Variants in IFFO1 observed in about 807,000 individuals in gnomAD.
IFFO1 encodes the protein non-homologous end joining factor IFFO1.
Under a neutral mutation model 59.6 loss-of-function variants are expected in IFFO1, and 42 were observed. That is an observed-to-expected ratio of 0.70 (90% CI 0.55 to 0.91). IFFO1 has a LOEUF of 0.91. Ranked by LOEUF, IFFO1 falls within the 40% of genes least tolerant of loss-of-function variation. The pLI is 0.00. For missense variants in IFFO1, 711 were observed against 793.2 expected, an observed-to-expected ratio of 0.90 and a Z score of 1.24; for synonymous variants, 336 against 342.8, an observed-to-expected ratio of 0.98 and a Z score of 0.22.
In IFFO1 at chr12:6,555,753, C is replaced by T. The variant is rs1592230021; in HGVS notation, c.277G>A (p.Glu93Lys). 1.2e-6 allele frequency: 2 copies of T among 1,613,234 alleles called. No homozygotes were observed. The highest frequency in any genetic ancestry group is 1.3e-5 in the African/African-American group (1 of 74,948). The change falls in exon 1 of 10, where the codon GAG (glutamate) becomes AAG (lysine). Residue 93 changes from glutamate (E) to lysine (K), a missense_variant. This residue lies in a region of IFFO1 where 18 missense variants were observed against 40.5 expected (regional missense o/e 0.44). Coordinates refer to ENST00000619571, the MANE Select transcript of IFFO1 (RefSeq NM_001193457.2). This position sits in a 1 kb window ranked among gnomAD's most constrained non-coding sequence, Gnocchi z 8.6. The part of the protein sequence containing the change: ...RFRCFLAKVH[E>K]LERRNRLLEK... Reference sequence around the variant, plus strand: ...AACAGCCGGTTCCGGCGCTCCAGCTCATGCACCTTGGCCAGGAAGCAGCGG... The same window carrying T: ...AACAGCCGGTTCCGGCGCTCCAGCTTATGCACCTTGGCCAGGAAGCAGCGG...
At chr12:6,551,435 G>A (rs935388345) in intron 1 of IFFO1, 21 of 1,297,418 alleles carry the variant, frequency 1.6e-5, no homozygotes, top group African/African-American at 4.5e-5. Context: ...CCTCCTGCCC[G>A]CACCAGAACA....
rs1172108277 is a variant in IFFO1 at position 6,551,319 on chromosome 12, C to T, written c.774-318G>A. On this transcript the variant is annotated intron_variant, in intron 1 of 9. Transcript: ENST00000619571. ...GCCCATCCCTGCTCAGGCCCCAGCT[C>T]AGCCAGCTGTCCGGCTGGCCTCATT... 4.7e-6 allele frequency: 4 copies of T among 850,160 alleles called. No homozygotes were observed. The African/African-American group carries it at 6.8e-5, about 15-fold the overall frequency. 52.7% of individuals were successfully genotyped at this position (850,160 alleles called of 1,614,324 possible).
rs1318969161 is a variant in IFFO1 at position 6,548,860 on chromosome 12, G to A, written c.1081-11C>T. ...AGACAAGTGCAGAGACTACAGAGAC[G>A]AGGCCGGGTGCATGAGGAGAAAGGG... On this transcript the variant is annotated splice_polypyrimidine_tract_variant and intron_variant, in intron 5 of 9. Coordinates refer to ENST00000619571, the MANE Select transcript of IFFO1 (RefSeq NM_001193457.2). This position sits in a 1 kb window ranked among gnomAD's most constrained non-coding sequence, Gnocchi z 6.1. The A allele has an allele frequency of 7.5e-6, 12 of 1,597,524 alleles. No homozygotes were observed. The highest frequency in any genetic ancestry group is 5.4e-5 in the African/African-American group (4 of 74,514).
chr12:6,542,984 C>T (rs890323877), intron 8 of IFFO1, among the ~76,000 whole-genome samples: 1 of 152,214 alleles, frequency 6.6e-6, no homozygotes, highest in African/African-American at 2.4e-5. Context: ...CACAAATTTA[C>T]AGCAGGAACA....
rs756262889 is a variant in IFFO1 at position 6,548,710 on chromosome 12, G to A, written c.1220C>T (p.Ala407Val). The A allele has an allele frequency of 1.9e-6, 3 of 1,614,108 alleles. No homozygotes were observed. Among genetic ancestry groups the A allele is most frequent in the Non-Finnish European group, 2.5e-6 (3 of 1,180,022 alleles). The change falls in exon 6 of 10, where the codon GCC becomes GTC. Residue 407 changes from alanine (A) to valine (V), a missense_variant. By Grantham distance (64) the Ala-to-Val change is moderately conservative. Transcript: ENST00000619571. The surrounding 1 kb of genome is among the most constrained non-coding windows in gnomAD (Gnocchi z 6.1). ...QPDGDEEEST[A>V]LSINEEMQRM... ...CTGCATCTCCTCGTTGATGCTGAGGGCTGTGCTCTCCTCCTCATCCCCATC... is the reference window on the plus strand; with the variant it reads ...CTGCATCTCCTCGTTGATGCTGAGGACTGTGCTCTCCTCCTCATCCCCATC...
rs1592197485 is a variant in IFFO1 at position 6,541,100 on chromosome 12, C to T, written c.1610+412G>A. On this transcript the variant is annotated intron_variant, in intron 9 of 9. Coordinates refer to ENST00000619571, the MANE Select transcript of IFFO1 (RefSeq NM_001193457.2). The surrounding 1 kb of genome is among the most constrained non-coding windows in gnomAD (Gnocchi z 4.8). ...GCCTCCAGCACCCTGACTCTAGGGCCTTGGCTTTATGTCTATCTGCAGTAT... is the reference window on the plus strand; with the variant it reads ...GCCTCCAGCACCCTGACTCTAGGGCTTTGGCTTTATGTCTATCTGCAGTAT... Among the ~76,000 whole-genome samples the T allele has an allele frequency of 6.6e-6, 1 of 151,738 alleles. No homozygotes were observed. The highest frequency in any genetic ancestry group is 2.1e-4 in the South Asian group (1 of 4,818).
chr12:6,554,097 AG>A (rs929164231), intron 1 of IFFO1, among the ~76,000 whole-genome samples: 1 of 151,510 alleles, frequency 6.6e-6, no homozygotes, highest in African/African-American at 2.4e-5. Flanking sequence ...AAAAAAAAAA[AG>A]AAAGCCTGCT....
chr12:6,545,577 A>T (rs1357910029), intron 8 of IFFO1, among the ~76,000 whole-genome samples: 2 of 151,970 alleles, frequency 1.3e-5, no homozygotes, highest in Non-Finnish European at 2.9e-5. Context: ...GGGCGCCTGT[A>T]GTCCCAGCTA....
At position 6,549,459 on chromosome 12, in the gene IFFO1, C is replaced by A. The variant is rs150591096; in HGVS notation, c.1080+17G>T. On this transcript the variant is annotated intron_variant, in intron 5 of 9. Transcript: ENST00000619571. The surrounding 1 kb of genome is among the most constrained non-coding windows in gnomAD (Gnocchi z 5.0). ...TGGGACTGGGACATTAATAAGCTTG[C>A]GTGAGATCAAACTAACCAGCTTCTT... 1.9e-6 allele frequency: 3 copies of A among 1,613,640 alleles called. No individual in the cohort carries two copies. The highest frequency in any genetic ancestry group is 2.5e-6 in the Non-Finnish European group (3 of 1,179,710).
chr12:6,548,075 T>C lies in IFFO1; in HGVS notation c.1469A>G (p.Asp490Gly). The C allele has an allele frequency of 6.2e-7, 1 of 1,613,198 alleles. No homozygotes were observed. The highest frequency in any genetic ancestry group is 8.5e-7 in the Non-Finnish European group (1 of 1,179,192). Residue 490 changes from aspartate (D) to glycine (G), a missense_variant, in exon 8 of 10, where the codon GAC becomes GGC. Coordinates refer to ENST00000619571, the MANE Select transcript of IFFO1 (RefSeq NM_001193457.2). The surrounding 1 kb of genome is among the most constrained non-coding windows in gnomAD (Gnocchi z 6.1). ...CGCTCCTGCCCTTACCTCTATCTGG[T>C]CAATGGTCTCCTGATACTCCTTCTC... ...TREKEYQETI[D>G]QIELELATAK...
intron 8 of IFFO1, among the ~76,000 whole-genome samples, chr12:6,547,736 G>C (rs1052560540): frequency 1.3e-5 from 2 of 149,088 alleles, no homozygotes; most frequent in African/African-American, 5.1e-5. Context: ...AGAGGGGGAG[G>C]GGAAGAGAGA....
chr12:6,544,166 T>TTTTC (rs1555144841), intron 8 of IFFO1, among the ~76,000 whole-genome samples: 1 of 63,168 alleles, frequency 1.6e-5, no homozygotes, highest in East Asian at 7.8e-4. Context: ...TTGAAAATAC[T>TTTTC]TTTTTTTTTT....
Position 6,541,681 on chromosome 12 carries a change from G to C in IFFO1, c.1480-39C>G. ...GGCAGGGCCATCGGGGTTAACAGGT[G>C]GCGTTCACAGCGCCTCTGTTGCCCC... is the stretch of plus-strand genomic sequence containing the variant. On this transcript the variant is annotated intron_variant, in intron 8 of 9. Transcript: ENST00000619571. The surrounding 1 kb of genome is among the most constrained non-coding windows in gnomAD (Gnocchi z 4.8). 1.2e-6 allele frequency: 2 copies of C among 1,611,770 alleles called. No individual in the cohort carries two copies. Among genetic ancestry groups the C allele is most frequent in the South Asian group, 2.2e-5 (2 of 91,054 alleles).
chr12:6,541,998 C>T lies in IFFO1; in HGVS notation c.1480-356G>A, dbSNP rs780535932. Among the ~76,000 whole-genome samples the T allele has an allele frequency of 1.5e-4, 23 of 152,304 alleles. No individual in the cohort carries two copies. The highest frequency in any genetic ancestry group is 4.4e-5 in the Non-Finnish European group (3 of 68,016). The stretch of plus-strand genomic sequence containing the variant: ...TTCCTATGGGGCCCGGCTCACCCCT[C>T]ATCCCCTGTACTGCGCTGGTCCTGG... On this transcript the variant is annotated intron_variant, in intron 8 of 9. Coordinates refer to ENST00000619571, the MANE Select transcript of IFFO1 (RefSeq NM_001193457.2). This position sits in a 1 kb window ranked among gnomAD's most constrained non-coding sequence, Gnocchi z 4.8.
At chr12:6,543,185 T>C (rs1038720001) in intron 8 of IFFO1, among the ~76,000 whole-genome samples, 3 of 152,134 alleles carry the variant, frequency 2.0e-5, no homozygotes, top group Admixed American at 2.0e-4. Flanking sequence ...TTAGTGACCC[T>C]GAGAGATCAA....
rs763881663 is a variant in IFFO1 at position 6,541,683 on chromosome 12, C to T, written c.1480-41G>A. ...CAGGGCCATCGGGGTTAACAGGTGGCGTTCACAGCGCCTCTGTTGCCCCCG... is the reference window on the plus strand; with the variant it reads ...CAGGGCCATCGGGGTTAACAGGTGGTGTTCACAGCGCCTCTGTTGCCCCCG... On this transcript the variant is annotated intron_variant, in intron 8 of 9. Transcript: ENST00000619571. The surrounding 1 kb of genome is among the most constrained non-coding windows in gnomAD (Gnocchi z 4.8). 9 of 1,610,848 alleles carry T rather than the reference C, an allele frequency of 5.6e-6. No homozygotes were observed. The African/African-American group carries it at 8.0e-5, about 14-fold the overall frequency.
At position 6,548,013 on chromosome 12, in the gene IFFO1, C is replaced by A; in HGVS notation, c.1479+52G>T. The A allele has an allele frequency of 7.3e-7, 1 of 1,369,810 alleles. No individual in the cohort carries two copies. Among genetic ancestry groups the A allele is most frequent in the Non-Finnish European group, 1.0e-6 (1 of 957,698 alleles). The allele number at this position is 1,369,810 out of a possible 1,614,324, so 84.9% of individuals were successfully genotyped here. On this transcript the variant is annotated intron_variant, in intron 8 of 9. Transcript: ENST00000619571. The surrounding 1 kb of genome is among the most constrained non-coding windows in gnomAD (Gnocchi z 6.1). The stretch of plus-strand genomic sequence containing the variant: ...GATGAGGCCACTGCGCCTGCAGCCC[C>A]ACTCAAAACCCTCTGGGACACCACG...
intron 1 of IFFO1, among the ~76,000 whole-genome samples, chr12:6,552,130 G>A (rs946106472): frequency 2.6e-5 from 4 of 152,216 alleles, no homozygotes; most frequent in Admixed American, 6.5e-5. Flanking sequence ...GGGCCAAGAA[G>A]ACAGCAAGAA....
In IFFO1 at chr12:6,555,301, G is replaced by T. The variant is rs1041613257; in HGVS notation, c.729C>A (p.Asn243Lys). ...TITPEIRALY[N>K]VLAKVKRERD... ...GCTCCCGCTTCACTTTGGCCAGCAC[G>T]TTGTAGAGAGCGCGGATCTCGGGCG... is the stretch of plus-strand genomic sequence containing the variant. Residue 243 changes from asparagine (N) to lysine (K), a missense_variant, in exon 1 of 10, where the codon AAC becomes AAA. Physicochemically the swap from Asn to Lys is moderately conservative, Grantham distance 94 (BLOSUM62 0). Around this residue, in one of 3 missense-constraint regions of IFFO1, gnomAD observed 579 missense variants for 650.3 expected, o/e 0.89. Coordinates refer to ENST00000619571, the MANE Select transcript of IFFO1 (RefSeq NM_001193457.2). The surrounding 1 kb of genome is among the most constrained non-coding windows in gnomAD (Gnocchi z 8.6). The T allele has an allele frequency of 5.0e-6, 8 of 1,614,054 alleles. No individual in the cohort carries two copies. Among genetic ancestry groups the T allele is most frequent in the Non-Finnish European group, 6.8e-6 (8 of 1,180,038 alleles).
Sources: gnomAD v4.1 joint callset for allele counts (sites outside exome capture counted in the v4.1 genomes callset) on GRCh38, gnomAD v4.1.1 for gene constraint, gnomAD v4.1.1 regional missense constraint, Gnocchi (gnomAD v3.1) non-coding constraint, MANE v1.5 for transcripts, NCBI Gene and HGNC (gene_info 2026-07-23, HGNC 2026-07-21) for gene names.